The following LSG1 variants were observed in gnomAD, a reference collection of about 807,000 sequenced individuals.
The protein encoded by LSG1 is large 60S subunit nuclear export GTPase 1.
LSG1 carries 55 observed loss-of-function variants against 82.6 expected under a neutral mutation model. The ratio of observed to expected loss-of-function variants is 0.67; its 90% CI spans 0.54 to 0.83. LSG1 has a LOEUF of 0.83. Ranked by LOEUF, LSG1 falls within the 40% of genes least tolerant of loss-of-function variation. The pLI, the probability that LSG1 is intolerant of heterozygous loss-of-function variation, is 0.00. For missense variants in LSG1, 809 were observed against 807.9 expected (o/e 1.00, Z -0.02); for synonymous variants, 272 against 282.5 (o/e 0.96, Z 0.37).
At chr3:194,665,348 T>C (rs977346148) in intron 5 of LSG1, among the ~76,000 whole-genome samples, 2 of 152,216 alleles carry the variant, frequency 1.3e-5, no homozygotes, top group African/African-American at 4.8e-5. Flanking sequence ...AAAATGTTCA[T>C]TATTCTCACA....
intron 10 of LSG1, among the ~76,000 whole-genome samples, chr3:194,649,331 C>T (rs1218898016): frequency 2.0e-5 from 3 of 152,152 alleles, no homozygotes; most frequent in African/African-American, 4.8e-5. Flanking sequence ...CTATCCTCCA[C>T]AGCACCTAAC....
intron 2 of LSG1, among the ~76,000 whole-genome samples, chr3:194,667,749 C>A (rs1719058499): frequency 6.6e-6 from 1 of 150,668 alleles, no homozygotes; most frequent in Admixed American, 6.6e-5. Flanking sequence ...AGGTGAAACC[C>A]CCGTCTCTAG....
At chr3:194,660,172 TG>T in intron 5 of LSG1, 39 bp from the exon 6 acceptor site, 1 of 1,545,760 alleles carries the variant, frequency 6.5e-7, no homozygotes, top group Non-Finnish European at 8.9e-7. Context: ...CACCGTGAAG[TG>T]AAAGGGATTT....
At position 194,641,088 on chromosome 3, in the gene LSG1, A is replaced by C. The variant is rs865867812; in HGVS notation, c.*980T>G. On this transcript the variant is annotated 3_prime_UTR_variant, in exon 14 of 14. Coordinates refer to ENST00000265245, the MANE Select transcript of LSG1 (RefSeq NM_018385.3). ...CATCGCCTCCCACCAGGGGGCTTAC[A>C]TTTCAACATGAGACTCGGTGAGGAC... 6 of 152,212 alleles carry C rather than the reference A, an allele frequency of 3.9e-5. No individual in the cohort carries two copies. Among genetic ancestry groups the C allele is most frequent in the Admixed American group, 1.3e-4 (2 of 15,276 alleles). 9.4% of individuals were successfully genotyped at this position (152,212 alleles called of 1,614,324 possible).
chr3:194,666,279 T>C lies in LSG1; in HGVS notation c.358A>G (p.Asn120Asp). The stretch of plus-strand genomic sequence containing the variant: ...AGTTCTTCTGGGGTAGTATTTTGGT[T>C]CCAGTTTGGTCTGAAACAATCATAG... ...FLCIPRRPNW[N>D]QNTTPEELKQ... The change falls in exon 4 of 14, where the codon AAC becomes GAC. Residue 120 changes from asparagine (N) to aspartate (D), a missense_variant. Physicochemically the swap from Asn to Asp is conservative, Grantham distance 23. Coordinates refer to ENST00000265245, the MANE Select transcript of LSG1 (RefSeq NM_018385.3). The C allele has an allele frequency of 6.2e-7, 1 of 1,614,098 alleles. No individual in the cohort carries two copies. Among genetic ancestry groups the C allele is most frequent in the Non-Finnish European group, 8.5e-7 (1 of 1,179,986 alleles).
In LSG1 at chr3:194,665,603, G is replaced by A. The variant is rs561924888; in HGVS notation, c.475C>T (p.Arg159Ter). The A allele has an allele frequency of 1.1e-5, 17 of 1,613,050 alleles. No individual in the cohort carries two copies. Among genetic ancestry groups the A allele is most frequent in the South Asian group, 2.2e-5 (2 of 90,888 alleles). Residue 159 changes from arginine (R) to a stop codon, truncating the protein, a stop_gained, in exon 5 of 14, where the codon CGA becomes TGA. Coordinates refer to ENST00000265245, the MANE Select transcript of LSG1 (RefSeq NM_018385.3). LOFTEE classifies it high-confidence loss of function. ...AGCTGGCGCCAAAAGTCCAAATTTC[G>A]TTCAAATGGAGTCAATATCAGCTTC... ...EQKLILTPFE[R>*]NLDFWRQLWR...
chr3:194,660,014 G>A, intron 6 of LSG1, 59 bp downstream of exon 6: 1 of 1,384,910 alleles, frequency 7.2e-7, no homozygotes, highest in Non-Finnish European at 1.0e-6. Flanking sequence ...GCTGAGGGAT[G>A]CGGTGCTGGC....
At position 194,660,061 on chromosome 3, in the gene LSG1, A is replaced by G; in HGVS notation, c.582+12T>C. 1.9e-6 allele frequency: 3 copies of G among 1,612,534 alleles called. No homozygotes were observed. The highest frequency in any genetic ancestry group is 8.5e-7 in the Non-Finnish European group (1 of 1,178,648). On this transcript the variant is annotated intron_variant, in intron 6 of 13. Transcript: ENST00000265245. Reference sequence around the variant, plus strand: ...AAGGACTGATGTTTGAATTTTGTCAAACTTGACTTACCAAATCCTCACATC... The same window carrying G: ...AAGGACTGATGTTTGAATTTTGTCAGACTTGACTTACCAAATCCTCACATC...
chr3:194,651,086 A>G, intron 9 of LSG1, 29 bp downstream of exon 9: 1 of 1,613,934 alleles, frequency 6.2e-7, no homozygotes, highest in Non-Finnish European at 8.5e-7. Context: ...AAAGAGCTGC[A>G]TGCAAGTGGC....
chr3:194,653,542 ACAAGCAAAGTT>A (rs925934110), intron 7 of LSG1, among the ~76,000 whole-genome samples: 10 of 150,242 alleles, frequency 6.7e-5, no homozygotes, highest in African/African-American at 2.4e-4. Flanking sequence ...TGAACAGGGG[ACAAGCAAAGTT>A]CGACGGAGAT....
chr3:194,652,613 G>T, intron 8 of LSG1, 116 bp downstream of exon 8: 1 of 1,121,974 alleles, frequency 8.9e-7, no homozygotes, highest in Non-Finnish European at 1.3e-6. Context: ...GCAACAAGAG[G>T]GCAATGTTCC....
At chr3:194,662,952 T>C (rs1718963689) in intron 5 of LSG1, among the ~76,000 whole-genome samples, 1 of 152,152 alleles carries the variant, frequency 6.6e-6, no homozygotes, top group Non-Finnish European at 1.5e-5. Flanking sequence ...TAATGCTTTG[T>C]TCTTAAAGAC....
At chr3:194,671,875 TCTC>T in intron 1 of LSG1, 186 bp downstream of exon 1, 1 of 645,728 alleles carries the variant, frequency 1.5e-6, no homozygotes, top group African/African-American at 1.8e-5. Context: ...CTTTCAAGCT[TCTC>T]CTACCTTTGT....
chr3:194,643,923 C>T (rs371854917), intron 13 of LSG1, among the ~76,000 whole-genome samples: 89 of 152,216 alleles, frequency 5.8e-4, no homozygotes, highest in African/African-American at 2.0e-3. Flanking sequence ...TAAGATACCA[C>T]GCTAAATGAA....
At chr3:194,663,416 T>C (rs1252813079) in intron 5 of LSG1, among the ~76,000 whole-genome samples, 1 of 92,842 alleles carries the variant, frequency 1.1e-5, no homozygotes, top group Non-Finnish European at 2.2e-5. Context: ...GAGAAAGCCT[T>C]TCCCTTCTTC....
chr3:194,667,037 GA>G (rs968204835), intron 2 of LSG1, among the ~76,000 whole-genome samples: 1 of 151,698 alleles, frequency 6.6e-6, no homozygotes, highest in African/African-American at 2.4e-5. Flanking sequence ...TGGCTCATAG[GA>G]TATGAAACTG....
rs759330892 is a variant in LSG1, at chr3:194,672,108, G to A, written c.55C>T (p.His19Tyr). 6.8e-6 allele frequency: 11 copies of A among 1,609,870 alleles called. No homozygotes were observed. The South Asian group carries it at 1.2e-4, about 18-fold the overall frequency. The change falls in exon 1 of 14, where the codon CAT (histidine) becomes TAT (tyrosine). Residue 19 changes from histidine (H) to tyrosine (Y), a missense_variant. His to Tyr is a moderately conservative substitution (Grantham distance 83). Transcript: ENST00000265245. ...GGSLGRALMR[H>Y]QTQRSRSHRH... ...TGGCTTCGGCTCCGCTGAGTCTGAT[G>A]GCGCATAAGGGCCCGTCCCAGCGAC... is the stretch of plus-strand genomic sequence containing the variant.
chr3:194,666,689 T>C, intron 2 of LSG1, 117 bp from the exon 3 acceptor site: 2 of 804,576 alleles, frequency 2.5e-6, no homozygotes, highest in Non-Finnish European at 1.9e-6. Flanking sequence ...TAAGATTTCT[T>C]GATTTAGATT....
chr3:194,654,838 G>A (rs1270345677), intron 7 of LSG1, among the ~76,000 whole-genome samples: 1 of 152,168 alleles, frequency 6.6e-6, no homozygotes, highest in East Asian at 1.9e-4. Flanking sequence ...CTTTCAAGGT[G>A]ACCAAAGGAA....
Sources: gnomAD v4.1 joint callset for allele counts (sites outside exome capture counted in the v4.1 genomes callset) on GRCh38, gnomAD v4.1.1 for gene constraint, MANE v1.5 for transcripts, NCBI Gene and HGNC (gene_info 2026-07-23, HGNC 2026-07-21) for gene names.